EIF2S3B: variants seen among roughly 807,000 people sequenced by gnomAD.
EIF2S3B encodes eukaryotic translation initiation factor 2 subunit gamma B, also known as eukaryotic translation initiation factor 2 subunit 3B.
EIF2S3B carries 16 observed loss-of-function variants against 26.4 expected under a neutral mutation model. The observed-to-expected ratio is 0.61, with a 90% CI of 0.41 to 0.92. The LOEUF is 0.92. Among genes scored for constraint, EIF2S3B ranks in the 40% least tolerant of loss-of-function variants. The pLI is 0.00. For missense variants in EIF2S3B, 510 were observed against 575.5 expected (o/e 0.89, Z 1.16); for synonymous variants, 183 against 204.4 (o/e 0.90, Z 0.89).
At chr12:10,509,840 A>C (rs532089381), downstream of EIF2S3B, among the ~76,000 whole-genome samples, 1 of 152,090 alleles carries the variant, frequency 6.6e-6, no homozygotes, top group African/African-American at 2.4e-5. Flanking sequence ...ATTATAAATA[A>C]ATTTATATTT....
Position 10,506,550 on chromosome 12 carries a change from A to AGAGG in EIF2S3B, c.652_655dup (p.Ala219GlyfsTer16). The AGAGG allele has an allele frequency of 1.3e-6, 2 of 1,590,560 alleles. No individual in the cohort carries two copies. Among genetic ancestry groups the AGAGG allele is most frequent in the Non-Finnish European group, 1.7e-6 (2 of 1,158,496 alleles). On this transcript the variant is annotated frameshift_variant, in exon 1 of 1. Transcript: ENST00000538173. LOFTEE classifies it high-confidence loss of function. ...TTGCGTTTGTCCAAGGTACAGTAGCAGAGGGAGCTCCCATTATTCCAATTT... is the reference window on the plus strand; with the variant it reads ...TTGCGTTTGTCCAAGGTACAGTAGCAGAGGGAGGGAGCTCCCATTATTCCAATTT...
intron 1 of EIF2S3B, among the ~76,000 whole-genome samples, chr12:10,520,982 A>C (rs1348878109): frequency 1.3e-5 from 2 of 152,198 alleles, no homozygotes; most frequent in Admixed American, 6.6e-5. Context: ...CAGTGTACAG[A>C]CATGTTATAT....
chr12:10,517,282 T>C (rs1192165616), intron 1 of EIF2S3B, among the ~76,000 whole-genome samples: 5 of 151,852 alleles, frequency 3.3e-5, no homozygotes, highest in Non-Finnish European at 5.9e-5. Context: ...ATTGCCACAA[T>C]TTCAGAGCCT....
chr12:10,516,744 G>A lies in EIF2S3B; in HGVS notation c.1309-5859G>A, dbSNP rs532238025. 5.3e-5 allele frequency among the ~76,000 whole-genome samples: 8 copies of A among 151,888 alleles called. No individual in the cohort carries two copies. In the South Asian group the frequency reaches 1.7e-3, roughly 32 times the overall value. On this transcript the variant is annotated intron_variant, in intron 1 of 1. Transcript: ENST00000322446. ...CCCATTTAGTATGATATTGGCTGTG[G>A]GTTTGTCATAGATAGCTCTTATTAT...
At chr12:10,513,736 C>T (rs73070528) in intron 1 of EIF2S3B, among the ~76,000 whole-genome samples, 18,081 of 152,164 alleles carry the variant, frequency 0.12, 1,233 homozygotes, top group Non-Finnish European at 0.17. Flanking sequence ...CATATAAGGC[C>T]GGGCACAGTG....
rs779391496 is a variant in EIF2S3B at position 10,506,924 on chromosome 12, C to G, written c.1022C>G (p.Thr341Arg). Residue 341 changes from threonine (T) to arginine (R), a missense_variant, in exon 1 of 1, where the codon ACA becomes AGA. Coordinates refer to ENST00000538173, the MANE Select transcript of EIF2S3B (RefSeq NM_001357734.3). The stretch of plus-strand genomic sequence containing the variant: ...CCAGGCGGTCTTATTGGAGTTGGAA[C>G]AAAAATTGACCCCACTTTGTGCCGG... ...AAPGGLIGVG[T>R]KIDPTLCRAD... The G allele has an allele frequency of 5.0e-5, 81 of 1,613,670 alleles. No homozygotes were observed. Among genetic ancestry groups the G allele is most frequent in the Non-Finnish European group, 6.8e-5 (80 of 1,179,724 alleles).
intron 1 of EIF2S3B, among the ~76,000 whole-genome samples, chr12:10,516,391 A>G (rs538479271): frequency 3.4e-4 from 51 of 152,238 alleles, no homozygotes; most frequent in Middle Eastern, 3.4e-3. Flanking sequence ...AGTCTATACA[A>G]AATCAAAAGG....
At chr12:10,513,554 A>G (rs958121268) in intron 1 of EIF2S3B, among the ~76,000 whole-genome samples, 1 of 152,226 alleles carries the variant, frequency 6.6e-6, no homozygotes, top group Non-Finnish European at 1.5e-5. Flanking sequence ...TCAAATTGTT[A>G]ACAGCACTGC....
chr12:10,510,524 ACAGGAGGCACAGCCTTTTT>A (rs1864694194), downstream of EIF2S3B, among the ~76,000 whole-genome samples: 1 of 152,184 alleles, frequency 6.6e-6, no homozygotes, highest in African/African-American at 2.4e-5. Flanking sequence ...ATTTTCCTTG[ACAGGAGGCACAGCCTTTTT>A]CTTGAAAACA....
chr12:10,514,197 C>T (rs937255810), intron 1 of EIF2S3B, among the ~76,000 whole-genome samples: 2 of 152,030 alleles, frequency 1.3e-5, no homozygotes, highest in African/African-American at 2.4e-5. Flanking sequence ...GCTTACTCTC[C>T]CAGATACTCT....
At chr12:10,513,273 G>A (rs1864722597), downstream of EIF2S3B, among the ~76,000 whole-genome samples, 2 of 152,176 alleles carry the variant, frequency 1.3e-5, no homozygotes, top group Non-Finnish European at 2.9e-5. Context: ...TCCTCTGGGA[G>A]AATCAAGGAG....
Position 10,507,599 on chromosome 12 carries a change from T to C in EIF2S3B, c.*278T>C. 3.6e-6 allele frequency: 2 copies of C among 552,658 alleles called. No individual in the cohort carries two copies. The highest frequency in any genetic ancestry group is 3.2e-6 in the Non-Finnish European group (1 of 315,506). 34.2% of individuals were successfully genotyped at this position (552,658 alleles called of 1,614,324 possible). A position where few individuals can be genotyped will look rare whatever the true frequency, so the allele number is the denominator to read the frequency against. On this transcript the variant is annotated 3_prime_UTR_variant, in exon 1 of 1. Coordinates refer to ENST00000538173, the MANE Select transcript of EIF2S3B (RefSeq NM_001357734.3). Reference sequence around the variant, plus strand: ...CAAAATTATACATTATGCAGTTTTTTTGTTTGTTTTATTTTGTTTTGTTTT... The same window carrying C: ...CAAAATTATACATTATGCAGTTTTTCTGTTTGTTTTATTTTGTTTTGTTTT...
At chr12:10,522,509 G>T in intron 1 of EIF2S3B, 1 of 547,508 alleles carries the variant, frequency 1.8e-6, no homozygotes, top group Non-Finnish European at 3.3e-6. Context: ...TAATTATCTA[G>T]AAAAAATTAG....
chr12:10,509,003 C>T (rs960326545), downstream of EIF2S3B, among the ~76,000 whole-genome samples: 1 of 151,940 alleles, frequency 6.6e-6, no homozygotes, highest in Non-Finnish European at 1.5e-5. Context: ...TTTGTTTCTC[C>T]ATTTTATGTT....
In EIF2S3B at chr12:10,506,014, AGAC is replaced by A; in HGVS notation, c.113_115del (p.Arg38_Gln39delinsLys). 6.2e-7 allele frequency: 1 copy of A among 1,605,948 alleles called. No homozygotes were observed. The highest frequency in any genetic ancestry group is 8.5e-7 in the Non-Finnish European group (1 of 1,172,472). On this transcript the variant is annotated inframe_deletion, in exon 1 of 1. Coordinates refer to ENST00000538173, the MANE Select transcript of EIF2S3B (RefSeq NM_001357734.3). ...GCCACTTTCACACGAAGTTATCAGCAGACAAGCCACAATTAATATAGGTACAAT... is the reference window on the plus strand; with the variant it reads ...GCCACTTTCACACGAAGTTATCAGCAAAGCCACAATTAATATAGGTACAAT...
chr12:10,516,806 A>AT (rs1489971332), intron 1 of EIF2S3B, among the ~76,000 whole-genome samples: 2 of 152,132 alleles, frequency 1.3e-5, no homozygotes, highest in Non-Finnish European at 2.9e-5. Context: ...ATTTATTGAG[A>AT]TTTTTTAGCA....
chr12:10,517,352 G>C (rs1300135311), intron 1 of EIF2S3B, among the ~76,000 whole-genome samples: 1 of 151,266 alleles, frequency 6.6e-6, no homozygotes, highest in Admixed American at 6.6e-5. Context: ...GGGTGTATGT[G>C]TCGAGGAATT....
At position 10,505,997 on chromosome 12, in the gene EIF2S3B, C is replaced by A. The variant is rs1864621073; in HGVS notation, c.95C>A (p.Ser32Ter). 1 of 1,605,956 alleles carries A rather than the reference C, an allele frequency of 6.2e-7. No homozygotes were observed. The highest frequency in any genetic ancestry group is 1.3e-5 in the African/African-American group (1 of 74,898). The stretch of plus-strand genomic sequence containing the variant: ...GATGTTACCAAGTTGACGCCACTTT[C>A]ACACGAAGTTATCAGCAGACAAGCC... ...TLDVTKLTPL[S>*]HEVISRQATI... The change falls in exon 1 of 1, where the codon TCA becomes TAA. Residue 32 changes from serine (S) to a stop codon, truncating the protein, a stop_gained. Transcript: ENST00000538173. LOFTEE classifies it high-confidence loss of function.
intron 1 of EIF2S3B, among the ~76,000 whole-genome samples, chr12:10,521,408 G>A (rs1864831072): frequency 6.6e-6 from 1 of 151,808 alleles, no homozygotes; most frequent in Admixed American, 6.6e-5. Flanking sequence ...ATTTATAGAT[G>A]AGGCAAACTG....
Sources: allele counts gnomAD v4.1 joint callset (sites outside exome capture counted in the v4.1 genomes callset), GRCh38; gene constraint gnomAD v4.1.1; transcripts MANE v1.5; gene names NCBI Gene and HGNC (gene_info 2026-07-23, HGNC 2026-07-21).